The following ST3GAL6 variants were observed in gnomAD, a reference collection of about 807,000 sequenced individuals.
The protein encoded by ST3GAL6 is ST3 beta-galactoside alpha-2,3-sialyltransferase 6.
Under a neutral mutation model 40.5 loss-of-function variants are expected in ST3GAL6, and 31 were observed. The observed-to-expected ratio is 0.77, with a 90% CI of 0.58 to 1.03. The LOEUF (loss-of-function observed/expected upper bound fraction) is 1.03. Among genes scored for constraint, ST3GAL6 ranks in the 50% least tolerant of loss-of-function variants. ST3GAL6 has a pLI of 0.00. For missense variants in ST3GAL6, 357 were observed against 393.2 expected (o/e 0.91, Z 0.78); for synonymous variants, 129 against 136.9 (o/e 0.94, Z 0.40).
chr3:98,787,458 A>C (rs1257318342), intron 6 of ST3GAL6, among the ~76,000 whole-genome samples: 1 of 152,252 alleles, frequency 6.6e-6, no homozygotes, highest in Non-Finnish European at 1.5e-5. Flanking sequence ...TTCAGCATAC[A>C]CAAACCCAAC....
chr3:98,792,512 ATTTT>A (rs35917234), intron 9 of ST3GAL6, among the ~76,000 whole-genome samples: 1 of 138,744 alleles, frequency 7.2e-6, no homozygotes, highest in Non-Finnish European at 1.6e-5. Flanking sequence ...TTTAGTTTAA[ATTTT>A]TTTTTTTTTT....
chr3:98,769,854 T>C (rs1938779364), intron 2 of ST3GAL6, among the ~76,000 whole-genome samples: 1 of 152,244 alleles, frequency 6.6e-6, no homozygotes, highest in African/African-American at 2.4e-5. Context: ...TCAAATAATA[T>C]CTTCATGTTA....
chr3:98,756,373 T>G (rs543794845), intron 1 of ST3GAL6: 22 of 1,289,798 alleles, frequency 1.7e-5, no homozygotes, highest in Non-Finnish European at 2.2e-5. Context: ...TTTCAGCATT[T>G]GCAAGTGAGG....
chr3:98,754,399 T>G (rs1336933835), intron 1 of ST3GAL6, among the ~76,000 whole-genome samples: 1 of 152,222 alleles, frequency 6.6e-6, no homozygotes, highest in East Asian at 1.9e-4. Flanking sequence ...TGTTACAAAC[T>G]CATAATAAAA....
At chr3:98,745,351 T>C (rs901134624) in intron 1 of ST3GAL6, among the ~76,000 whole-genome samples, 1 of 152,144 alleles carries the variant, frequency 6.6e-6, no homozygotes, top group East Asian at 1.9e-4. Flanking sequence ...TGTTTTTTAT[T>C]TTGGGCTGAG....
At chr3:98,780,306 A>G (rs1674155031) in intron 5 of ST3GAL6, among the ~76,000 whole-genome samples, 1 of 152,234 alleles carries the variant, frequency 6.6e-6, no homozygotes, top group Admixed American at 6.5e-5. Context: ...GGATGCCCTC[A>G]AAAGAGTTTC....
intron 1 of ST3GAL6, chr3:98,756,619 T>A: frequency 3.7e-6 from 4 of 1,085,712 alleles, no homozygotes; most frequent in Non-Finnish European, 4.7e-6. Flanking sequence ...TATACAATGC[T>A]TCTCTTGTGG....
intron 6 of ST3GAL6, 85 bp from the exon 7 acceptor site, chr3:98,787,951 C>T: frequency 8.0e-7 from 1 of 1,249,254 alleles, no homozygotes. Context: ...TGATGTTTGT[C>T]CAACTCTGAA....
At chr3:98,751,529 T>G (rs1937008660) in intron 1 of ST3GAL6, among the ~76,000 whole-genome samples, 1 of 152,194 alleles carries the variant, frequency 6.6e-6, no homozygotes, top group Admixed American at 6.5e-5. Context: ...CACTTTCAGT[T>G]TCTTTGAAAA....
intron 1 of ST3GAL6, among the ~76,000 whole-genome samples, chr3:98,736,396 G>T (rs1163331857): frequency 1.3e-5 from 2 of 152,152 alleles, no homozygotes; most frequent in African/African-American, 4.8e-5. Context: ...ATTTGGTTGG[G>T]AATGGAAAGA....
At chr3:98,780,253 T>C (rs1013458276) in intron 5 of ST3GAL6, among the ~76,000 whole-genome samples, 1 of 152,214 alleles carries the variant, frequency 6.6e-6, no homozygotes, top group Non-Finnish European at 1.5e-5. Context: ...GTACTATGAA[T>C]ACTAGCTGTA....
chr3:98,743,269 C>T (rs1201599474), intron 1 of ST3GAL6, among the ~76,000 whole-genome samples: 1 of 151,990 alleles, frequency 6.6e-6, no homozygotes, highest in Non-Finnish European at 1.5e-5. Flanking sequence ...GATCCATCAA[C>T]CTTGGCCTCG....
At chr3:98,757,067 T>C (rs917544786) in intron 1 of ST3GAL6, among the ~76,000 whole-genome samples, 3 of 152,200 alleles carry the variant, frequency 2.0e-5, no homozygotes, top group Non-Finnish European at 4.4e-5. Flanking sequence ...TGGAATCCTA[T>C]GCACAGATTT....
Position 98,782,717 on chromosome 3 carries a change from G to A in ST3GAL6, c.336-2228G>A, listed in dbSNP as rs1393343020. On this transcript the variant is annotated intron_variant, in intron 5 of 9. Coordinates refer to ENST00000483910, the MANE Select transcript of ST3GAL6 (RefSeq NM_001323368.2). The stretch of plus-strand genomic sequence containing the variant: ...AAAAACTGCTGCCAGCAGGGAGGAG[G>A]CCAATGGCGTGTCCATAGATCATGT... The A allele has an allele frequency of 2.6e-5, 12 of 468,206 alleles. No individual in the cohort carries two copies. In the East Asian group the frequency reaches 5.7e-4, roughly 22 times the overall value. 29.0% of individuals were successfully genotyped at this position (468,206 alleles called of 1,614,324 possible).
intron 8 of ST3GAL6, among the ~76,000 whole-genome samples, chr3:98,790,748 C>T (rs1355430240): frequency 6.6e-6 from 1 of 151,910 alleles, no homozygotes; most frequent in African/African-American, 2.4e-5. Context: ...GTGATGGCTG[C>T]AGAAGAGCTG....
intron 1 of ST3GAL6, chr3:98,733,654 A>G (rs1362990607): frequency 1.0e-6 from 1 of 955,400 alleles, no homozygotes; most frequent in African/African-American, 1.8e-5. Flanking sequence ...GCAACTTGTC[A>G]TTTTGAGGCC....
At chr3:98,761,471 TG>T (rs1048908883), upstream of ST3GAL6, among the ~76,000 whole-genome samples, 21 of 151,942 alleles carry the variant, frequency 1.4e-4, no homozygotes, top group African/African-American at 5.1e-4. Flanking sequence ...TAGCCAGGCA[TG>T]GTGGCACGTG....
At position 98,763,463 on chromosome 3, in the gene ST3GAL6, G is replaced by T. The variant is rs777025355; in HGVS notation, c.-12+24G>T. On this transcript the variant is annotated intron_variant, in intron 1 of 9. Transcript: ENST00000483910. ...AGGTGAGCCATGAACAAGGTTACCTGCTTAAGGGGAAGGTTGTGGCTTAAA... is the reference window on the plus strand; with the variant it reads ...AGGTGAGCCATGAACAAGGTTACCTTCTTAAGGGGAAGGTTGTGGCTTAAA... 1.9e-4 allele frequency: 245 copies of T among 1,289,376 alleles called. 1 individual carries two copies. The highest frequency in any genetic ancestry group is 2.1e-4 in the Non-Finnish European group (211 of 988,662). 79.9% of individuals were successfully genotyped at this position (1,289,376 alleles called of 1,614,324 possible). A position where few individuals can be genotyped will look rare whatever the true frequency, so the allele number is the denominator to read the frequency against.
Position 98,794,520 on chromosome 3 carries a change from A to C in ST3GAL6, c.*759A>C, listed in dbSNP as rs1474864850. On this transcript the variant is annotated 3_prime_UTR_variant, in exon 10 of 10. Coordinates refer to ENST00000483910, the MANE Select transcript of ST3GAL6 (RefSeq NM_001323368.2). ...TTTTTTTTGCCTGACTTACTTATTCATTAAATTTTGAAGGTTTTCCACTTG... is the reference window on the plus strand; with the variant it reads ...TTTTTTTTGCCTGACTTACTTATTCCTTAAATTTTGAAGGTTTTCCACTTG... The C allele has an allele frequency of 6.6e-6, 1 of 152,182 alleles. No individual in the cohort carries two copies. Among genetic ancestry groups the C allele is most frequent in the Admixed American group, 6.5e-5 (1 of 15,276 alleles). 9.4% of individuals were successfully genotyped at this position (152,182 alleles called of 1,614,324 possible).
Sources: allele counts gnomAD v4.1 joint callset (sites outside exome capture counted in the v4.1 genomes callset), GRCh38; gene constraint gnomAD v4.1.1; transcripts MANE v1.5; gene names NCBI Gene and HGNC (gene_info 2026-07-23, HGNC 2026-07-21).